FRMD4A: variants seen among roughly 807,000 people sequenced by gnomAD.
FRMD4A encodes FERM domain-containing protein 4A.
FRMD4A carries 29 observed loss-of-function variants against 129.1 expected under a neutral mutation model. That is an observed-to-expected ratio of 0.22 (90% confidence interval 0.17 to 0.31). The LOEUF (loss-of-function observed/expected upper bound fraction) is 0.31. FRMD4A is among the 10% of genes least tolerant of loss of function. The pLI is 1.00. For missense variants in FRMD4A, 1,272 were observed against 1,375.8 expected, an observed-to-expected ratio of 0.92 and a Z score of 1.19; for synonymous variants, 634 against 571.6, an observed-to-expected ratio of 1.11 and a Z score of -1.56.
At chr10:14,316,278 GGT>G (rs1405148480) in intron 2 of FRMD4A, among the ~76,000 whole-genome samples, 1 of 152,058 alleles carries the variant, frequency 6.6e-6, no homozygotes, top group Non-Finnish European at 1.5e-5. Context: ...GAGAGGATTA[GGT>G]CATAAAGATT....
At chr10:14,101,686 C>T (rs957310608) in intron 2 of FRMD4A, among the ~76,000 whole-genome samples, 6 of 152,230 alleles carry the variant, frequency 3.9e-5, no homozygotes, top group African/African-American at 1.4e-4. Context: ...GTCACCATCT[C>T]CATGCTGGTG....
intron 2 of FRMD4A, among the ~76,000 whole-genome samples, chr10:13,929,002 A>C (rs890850508): frequency 6.6e-6 from 1 of 152,222 alleles, no homozygotes; most frequent in African/African-American, 2.4e-5. Context: ...AATTGATCTG[A>C]AAGTAACCGG....
chr10:14,204,563 C>T (rs886110783), intron 2 of FRMD4A, among the ~76,000 whole-genome samples: 1 of 152,084 alleles, frequency 6.6e-6, no homozygotes, highest in Non-Finnish European at 1.5e-5. Flanking sequence ...TTCCTTTTCT[C>T]GCAACTACAA....
intron 2 of FRMD4A, among the ~76,000 whole-genome samples, chr10:14,185,462 A>G (rs558995796): frequency 7.2e-5 from 11 of 152,372 alleles, no homozygotes; most frequent in South Asian, 2.1e-4. Context: ...AGAAATTAGT[A>G]CAAAAAACAT....
intron 2 of FRMD4A, among the ~76,000 whole-genome samples, chr10:13,984,008 A>T (rs573750344): frequency 1.3e-5 from 2 of 151,804 alleles, no homozygotes; most frequent in African/African-American, 4.8e-5. Context: ...GTCTCAAAAA[A>T]AAAACAACTG....
chr10:13,828,469 A>T (rs1214098712), intron 3 of FRMD4A, among the ~76,000 whole-genome samples: 1 of 151,344 alleles, frequency 6.6e-6, no homozygotes, highest in African/African-American at 2.4e-5. Flanking sequence ...ACATGATTTC[A>T]TTCTTTTTGA....
chr10:14,326,897 T>G (rs1843299831), intron 2 of FRMD4A: 1 of 398,678 alleles, frequency 2.5e-6, no homozygotes, highest in Admixed American at 4.4e-5. Flanking sequence ...AGAGGCAGCT[T>G]TTCAACAGCC....
intron 3 of FRMD4A, among the ~76,000 whole-genome samples, chr10:13,840,576 G>T (rs917629620): frequency 9.9e-6 from 1 of 101,266 alleles, no homozygotes; most frequent in Non-Finnish European, 2.2e-5. Flanking sequence ...ATCACTTGAG[G>T]TCAGGAGTTC....
intron 3 of FRMD4A, among the ~76,000 whole-genome samples, chr10:13,832,962 G>C (rs1424448838): frequency 6.6e-6 from 1 of 152,220 alleles, no homozygotes; most frequent in Non-Finnish European, 1.5e-5. Context: ...AAGAATCACT[G>C]TGTTGTGGGG....
At chr10:14,068,496 C>T (rs1339489354) in intron 2 of FRMD4A, among the ~76,000 whole-genome samples, 1 of 152,140 alleles carries the variant, frequency 6.6e-6, no homozygotes, top group Admixed American at 6.6e-5. Flanking sequence ...GTATTTTGTT[C>T]ATTACGTTTG....
In FRMD4A at chr10:14,146,459, A is replaced by G. The variant is rs117044289; in HGVS notation, c.45+183599T>C. ...CATGACTTAATGCACTACACAGCAAAATAATATCTAGCATTTTGATCCCCT... is the reference window on the plus strand; with the variant it reads ...CATGACTTAATGCACTACACAGCAAGATAATATCTAGCATTTTGATCCCCT... On this transcript the variant is annotated intron_variant, in intron 2 of 24. Transcript: ENST00000357447. Among the ~76,000 whole-genome samples, 119 of 152,288 alleles carry G rather than the reference A, an allele frequency of 7.8e-4. No individual in the cohort carries two copies. The East Asian group carries it at 8.5e-3, about 11-fold the overall frequency.
At chr10:13,654,904 G>C (rs988216799) in intron 22 of FRMD4A, 4 of 203,360 alleles carry the variant, frequency 2.0e-5, no homozygotes, top group African/African-American at 9.3e-5. Flanking sequence ...CTCATACAGG[G>C]AGGGCATATT....
chr10:13,942,267 G>A (rs2095298154), intron 2 of FRMD4A, among the ~76,000 whole-genome samples: 1 of 152,192 alleles, frequency 6.6e-6, no homozygotes, highest in Admixed American at 6.5e-5. Flanking sequence ...CGCAGGCACT[G>A]TCTTGACATC....
chr10:14,108,911 G>A (rs1004404141), intron 2 of FRMD4A, among the ~76,000 whole-genome samples: 2 of 152,124 alleles, frequency 1.3e-5, no homozygotes, highest in African/African-American at 4.8e-5. Context: ...CAAAGTCTCT[G>A]GCTGCCATGA....
At chr10:14,060,037 C>A (rs539257592) in intron 2 of FRMD4A, among the ~76,000 whole-genome samples, 1 of 152,316 alleles carries the variant, frequency 6.6e-6, no homozygotes, top group South Asian at 2.1e-4. Flanking sequence ...CAGTCTAGTT[C>A]CACAGTCTAT....
intron 5 of FRMD4A, among the ~76,000 whole-genome samples, chr10:13,784,072 A>C (rs1045317700): frequency 6.6e-6 from 1 of 152,158 alleles, no homozygotes; most frequent in Non-Finnish European, 1.5e-5. Context: ...GAGCAGGTGT[A>C]GCAACCCTTA....
intron 2 of FRMD4A, among the ~76,000 whole-genome samples, chr10:14,098,206 A>T (rs2131769509): frequency 6.7e-6 from 1 of 149,932 alleles, no homozygotes; most frequent in Admixed American, 6.7e-5. Flanking sequence ...TCACTGGATT[A>T]TTGTGGCAGC....
intron 3 of FRMD4A, among the ~76,000 whole-genome samples, chr10:13,839,817 C>T (rs1178416250): frequency 2.0e-5 from 3 of 152,300 alleles, no homozygotes; most frequent in East Asian, 1.9e-4. Flanking sequence ...AGGTCTGAGC[C>T]GGCGTGTGCT....
chr10:14,214,357 G>A (rs923641424), intron 2 of FRMD4A, among the ~76,000 whole-genome samples: 5 of 152,134 alleles, frequency 3.3e-5, no homozygotes, highest in Admixed American at 6.6e-5. Flanking sequence ...CCCAGGCTGG[G>A]AGTTGGCTGA....
Sources: allele counts gnomAD v4.1 joint callset (sites outside exome capture counted in the v4.1 genomes callset), GRCh38; gene constraint gnomAD v4.1.1; transcripts MANE v1.5; gene names NCBI Gene and HGNC (gene_info 2026-07-23, HGNC 2026-07-21).